The following SLC12A7 variants were observed in gnomAD, a reference collection of about 807,000 sequenced individuals.
The protein encoded by SLC12A7 is K-Cl cotransporter 4.
In SLC12A7, 100 loss-of-function variants were observed where a neutral mutation model predicts 120.6. That is an observed-to-expected ratio of 0.83 (90% CI 0.71 to 0.98). The LOEUF (loss-of-function observed/expected upper bound fraction) is 0.98. Among genes scored for constraint, SLC12A7 ranks in the 50% least tolerant of loss-of-function variants. The pLI is 0.00. For missense variants in SLC12A7, 1,373 were observed against 1,548.1 expected (o/e 0.89, Z 1.90); for synonymous variants, 760 against 678.0 (o/e 1.12, Z -1.88).
chr5:1,082,309 C>T (rs1281973195), intron 8 of SLC12A7, among the ~76,000 whole-genome samples: 1 of 148,094 alleles, frequency 6.8e-6, no homozygotes, highest in African/African-American at 2.5e-5. Context: ...GCCTGGGCTT[C>T]CTCTCTAGGG....
In SLC12A7 at chr5:1,057,566, C is replaced by T; in HGVS notation, c.2931G>A (p.Val977=). The change falls in exon 22 of 24, where the codon GTG becomes GTA. Residue 977 remains valine, a synonymous_variant. Transcript: ENST00000264930. ...RTQAPPTPDK[V]QMTWTREKLI... ...GCTTCTCCCTGGTCCAGGTCATCTGCACCTTGTCTGGCGTAGGCGGCGCTT... is the reference window on the plus strand; with the variant it reads ...GCTTCTCCCTGGTCCAGGTCATCTGTACCTTGTCTGGCGTAGGCGGCGCTT... 1 of 1,612,930 alleles carries T rather than the reference C, an allele frequency of 6.2e-7. No homozygotes were observed. Among genetic ancestry groups the T allele is most frequent in the East Asian group, 2.2e-5 (1 of 44,890 alleles).
the SLC12A7 span, among the ~76,000 whole-genome samples, chr5:1,154,942 C>A: frequency 6.6e-6 from 1 of 152,208 alleles, no homozygotes; most frequent in African/African-American, 2.4e-5. Flanking sequence ...TCGGGGCCCA[C>A]GAGCTTTAAG....
At chr5:1,118,122 T>C in the SLC12A7 span, among the ~76,000 whole-genome samples, 1 of 152,032 alleles carries the variant, frequency 6.6e-6, no homozygotes, top group Non-Finnish European at 1.5e-5. Context: ...GGAGACTGAT[T>C]TCAGTAATAA....
In SLC12A7 at chr5:1,084,467, C is replaced by T. The variant is rs563008913; in HGVS notation, c.918-511G>A. ...TCAGTGTCTGAGTTCAAGCCACCCT[C>T]GTGCCACGTGCCAACGGCCAAGAGC... On this transcript the variant is annotated intron_variant, in intron 7 of 23. Transcript: ENST00000264930. 2.6e-5 allele frequency among the ~76,000 whole-genome samples: 4 copies of T among 152,322 alleles called. No homozygotes were observed. The South Asian group carries it at 8.3e-4, about 32-fold the overall frequency.
rs577984947 is a variant in SLC12A7 at position 1,089,250 on chromosome 5, T to A, written c.343-122A>T. The A allele has an allele frequency of 1.4e-5, 15 of 1,057,430 alleles. No individual in the cohort carries two copies. The African/African-American group carries it at 2.1e-4, about 15-fold the overall frequency. The allele number at this position is 1,057,430 out of a possible 1,614,324, so 65.5% of individuals were successfully genotyped here. On this transcript the variant is annotated intron_variant, in intron 3 of 23. Coordinates refer to ENST00000264930, the MANE Select transcript of SLC12A7 (RefSeq NM_006598.3). ...CCGTGGGGGCAGGAGGGGGCAGGAGTCCTTCCCAGAACAGATGGAGGTTCA... is the reference window on the plus strand; with the variant it reads ...CCGTGGGGGCAGGAGGGGGCAGGAGACCTTCCCAGAACAGATGGAGGTTCA...
intron 1 of SLC12A7, among the ~76,000 whole-genome samples, chr5:1,106,303 C>T (rs1343492643): frequency 1.3e-5 from 2 of 152,126 alleles, no homozygotes; most frequent in Non-Finnish European, 2.9e-5. Flanking sequence ...AAATATAAAA[C>T]TTAGCCAGGC....
At chr5:1,068,644 C>T (rs776211195) in intron 17 of SLC12A7, among the ~76,000 whole-genome samples, 89 of 152,222 alleles carry the variant, frequency 5.8e-4, no homozygotes, top group Non-Finnish European at 8.8e-4. Flanking sequence ...CTGAGAGCAG[C>T]GGGGGCAGGG....
chr5:1,056,028 G>A (rs750821588), intron 22 of SLC12A7, among the ~76,000 whole-genome samples: 17 of 152,112 alleles, frequency 1.1e-4, no homozygotes, highest in Non-Finnish European at 1.6e-4. Flanking sequence ...GGACAGAGAC[G>A]GCATCGAGGA....
chr5:1,052,697 A>G (rs1354737363), intron 23 of SLC12A7, among the ~76,000 whole-genome samples: 3 of 152,100 alleles, frequency 2.0e-5, no homozygotes, highest in Non-Finnish European at 4.4e-5. Flanking sequence ...ACGAGCAGAG[A>G]CAGCGACACA....
the SLC12A7 span, among the ~76,000 whole-genome samples, chr5:1,135,157 G>A: frequency 2.0e-5 from 3 of 152,144 alleles, no homozygotes; most frequent in Admixed American, 6.6e-5. Flanking sequence ...CCTGAGCCTC[G>A]GTTTGCTCAT....
the SLC12A7 span, among the ~76,000 whole-genome samples, chr5:1,118,651 C>A: frequency 6.6e-6 from 1 of 152,194 alleles, no homozygotes; most frequent in Admixed American, 6.5e-5. Flanking sequence ...TCGAATGAGT[C>A]CAGGAGGAAG....
intron 15 of SLC12A7, among the ~76,000 whole-genome samples, chr5:1,074,924 A>G (rs545657555): frequency 6.6e-6 from 1 of 152,082 alleles, no homozygotes; most frequent in Admixed American, 6.5e-5. Context: ...TGCCTTCCTC[A>G]CAGGACGGGG....
chr5:1,095,954 C>A (rs1347732562), intron 1 of SLC12A7, among the ~76,000 whole-genome samples: 1 of 152,180 alleles, frequency 6.6e-6, no homozygotes, highest in Non-Finnish European at 1.5e-5. Context: ...GCCAGTGCCA[C>A]GGAGCAGCGG....
intron 4 of SLC12A7, among the ~76,000 whole-genome samples, chr5:1,088,707 C>T (rs890341981): frequency 2.0e-5 from 3 of 152,224 alleles, no homozygotes; most frequent in South Asian, 2.1e-4. Context: ...GATGCCTGTC[C>T]GCAGACACGG....
chr5:1,086,981 G>T lies in SLC12A7; in HGVS notation c.597C>A (p.Gly199=), dbSNP rs758334574. Residue 199 remains glycine, a synonymous_variant, in exon 6 of 24, where the codon GGC becomes GGA. Coordinates refer to ENST00000264930, the MANE Select transcript of SLC12A7 (RefSeq NM_006598.3). ...CCAGGTAGAAGCAGAGGCCGACAGC[G>T]CCTCCAAACTCGGGTCCCAGCGAGC... ...ISRSLGPEFG[G]AVGLCFYLGT... is the part of the protein sequence containing the mutation. 2 of 1,612,736 alleles carry T rather than the reference G, an allele frequency of 1.2e-6. No homozygotes were observed. Among genetic ancestry groups the T allele is most frequent in the African/African-American group, 2.7e-5 (2 of 74,956 alleles).
rs1425844132 is a variant in SLC12A7 at position 1,075,359 on chromosome 5, G to A, written c.1967+12C>T. The A allele has an allele frequency of 2.5e-6, 4 of 1,606,886 alleles. No homozygotes were observed. The highest frequency in any genetic ancestry group is 3.4e-6 in the Non-Finnish European group (4 of 1,175,162). ...GTGCGCCGGGTCTGTAAGGGGGGCT[G>A]ACAGCGCTTACCCGCGGTACTCGAT... On this transcript the variant is annotated intron_variant, in intron 15 of 23. Transcript: ENST00000264930.
chr5:1,117,457 A>ACTGC, the SLC12A7 span, among the ~76,000 whole-genome samples: 3,587 of 152,272 alleles, frequency 0.024, 93 homozygotes, highest in East Asian at 0.091. The surrounding 1 kb of genome is among the most constrained non-coding windows in gnomAD (Gnocchi z 4.5). Context: ...TGAGGGCTAG[A>ACTGC]CTGCCTTTGT....
chr5:1,053,625 G>A, intron 22 of SLC12A7, 143 bp from the exon 23 acceptor site: 5 of 1,112,292 alleles, frequency 4.5e-6, no homozygotes, highest in Non-Finnish European at 6.2e-6. Flanking sequence ...CTCTGACCCT[G>A]AAGGATGCAG....
At chr5:1,153,121 G>A in the SLC12A7 span, among the ~76,000 whole-genome samples, 2 of 152,202 alleles carry the variant, frequency 1.3e-5, no homozygotes, top group Non-Finnish European at 2.9e-5. Flanking sequence ...CACAGGACTG[G>A]AGCCCAGCTG....
Sources: allele counts gnomAD v4.1 joint callset (sites outside exome capture counted in the v4.1 genomes callset), GRCh38; gene constraint gnomAD v4.1.1; non-coding constraint Gnocchi (gnomAD v3.1); transcripts MANE v1.5; gene names NCBI Gene and HGNC (gene_info 2026-07-23, HGNC 2026-07-21).